The following TEX15 variants were observed in gnomAD, a reference collection of about 807,000 sequenced individuals.
TEX15 encodes the protein testis expressed 15, meiosis and synapsis associated.
TEX15 carries 171 observed loss-of-function variants against 237.3 expected under a neutral mutation model. The ratio of observed to expected loss-of-function variants is 0.72; its 90% CI spans 0.64 to 0.82. The LOEUF is 0.82. Ranked by LOEUF, TEX15 falls within the 40% of genes least tolerant of loss-of-function variation. The pLI is 0.00. For synonymous variants in TEX15, 1,338 were observed against 1,269.8 expected, an observed-to-expected ratio of 1.05 and a Z score of -1.14; for missense variants, 3,750 against 3,646.5, an observed-to-expected ratio of 1.03 and a Z score of -0.73.
At position 30,844,372 on chromosome 8, in the gene TEX15, T is replaced by C. The variant is rs762784118; in HGVS notation, c.5795A>G (p.Lys1932Arg). 1 of 1,610,260 alleles carries C rather than the reference T, an allele frequency of 6.2e-7. No homozygotes were observed. The highest frequency in any genetic ancestry group is 1.1e-5 in the South Asian group (1 of 90,160). Residue 1932 changes from lysine (K) to arginine (R), a missense_variant, in exon 8 of 11, where the codon AAA becomes AGA. By Grantham distance (26) the Lys-to-Arg change is conservative (BLOSUM62 2). Transcript: ENST00000643185. ...REKKGEIKVS[K>R]DSQSDLTLHS... ...TAATGTCAAGTCAGACTGCGAGTCT[T>C]TACTAACTTTAATTTCCCCCTTCTT...
Position 30,833,154 on chromosome 8 carries a change from C to T in TEX15, c.*132G>A. On this transcript the variant is annotated 3_prime_UTR_variant, in exon 11 of 11. Coordinates refer to ENST00000643185, the MANE Select transcript of TEX15 (RefSeq NM_001350162.2). The stretch of plus-strand genomic sequence containing the variant: ...TGTGTTAGATTATTTGTATATTTTA[C>T]AAAGGACCATATGATTTATATTTCC... 1.6e-6 allele frequency: 1 copy of T among 622,568 alleles called. No homozygotes were observed. The highest frequency in any genetic ancestry group is 2.8e-6 in the Non-Finnish European group (1 of 356,438). 38.6% of individuals were successfully genotyped at this position (622,568 alleles called of 1,614,324 possible).
chr8:30,869,470 T>A (rs1188963551), intron 4 of TEX15, among the ~76,000 whole-genome samples: 1 of 152,016 alleles, frequency 6.6e-6, no homozygotes, highest in Non-Finnish European at 1.5e-5. Flanking sequence ...AAATGAAGTT[T>A]ATACACAATA....
chr8:30,888,692 A>G, intron 2 of TEX15: 1 of 1,270,138 alleles, frequency 7.9e-7, no homozygotes, highest in Non-Finnish European at 1.0e-6. Context: ...TAGTTCCAAC[A>G]TTAGATCACA....
At chr8:30,893,714 T>C (rs1439949291) in intron 2 of TEX15, among the ~76,000 whole-genome samples, 1 of 152,250 alleles carries the variant, frequency 6.6e-6, no homozygotes, top group Non-Finnish European at 1.5e-5. Flanking sequence ...CATTCATTTA[T>C]GGGCAATCTT....
In TEX15 at chr8:30,845,036, C is replaced by T; in HGVS notation, c.5131G>A (p.Ala1711Thr). Residue 1711 changes from alanine to threonine, a missense_variant, in exon 8 of 11, where the codon GCA becomes ACA. Ala to Thr is a moderately conservative substitution (Grantham distance 58). Coordinates refer to ENST00000643185, the MANE Select transcript of TEX15 (RefSeq NM_001350162.2). ...LMGPLNLTLIASKKYSIPQLS... is the reference protein window; with the variant it reads ...LMGPLNLTLITSKKYSIPQLS... The stretch of plus-strand genomic sequence containing the variant: ...TGAGGAATACTGTACTTTTTACTTG[C>T]TATCAAAGTTAGGTTTAATGGGCCC... 2 of 1,613,572 alleles carry T rather than the reference C, an allele frequency of 1.2e-6. No individual in the cohort carries two copies. Among genetic ancestry groups the T allele is most frequent in the South Asian group, 1.1e-5 (1 of 91,078 alleles).
intron 2 of TEX15, chr8:30,888,509 C>T: frequency 2.9e-6 from 2 of 696,752 alleles, no homozygotes; most frequent in Admixed American, 2.5e-5. Context: ...CCCAAACTCC[C>T]CTGCAACCTC....
intron 10 of TEX15, among the ~76,000 whole-genome samples, chr8:30,836,149 T>C (rs1025561955): frequency 6.9e-6 from 1 of 145,526 alleles, no homozygotes; most frequent in African/African-American, 2.5e-5. Context: ...GATATAGTTT[T>C]AAAAAAGTCA....
Position 30,837,678 on chromosome 8 carries a change from T to G in TEX15, c.8606A>C (p.Asp2869Ala). ...LLQKFLKNSP[D>A]PTQKSCLSDI... Reference sequence around the variant, plus strand: ...AGAAAGGCAGGATTTTTGGGTGGGATCTGGGGAATTTTTAAGAAATTTCTG... The same window carrying G: ...AGAAAGGCAGGATTTTTGGGTGGGAGCTGGGGAATTTTTAAGAAATTTCTG... Residue 2869 changes from aspartate to alanine, a missense_variant, in exon 10 of 11, where the codon GAT (aspartate) becomes GCT (alanine). Transcript: ENST00000643185. 6.2e-7 allele frequency: 1 copy of G among 1,613,958 alleles called. No homozygotes were observed. The highest frequency in any genetic ancestry group is 1.7e-4 in the Middle Eastern group (1 of 6,060).
chr8:30,857,116 T>C (rs537200326), intron 7 of TEX15, among the ~76,000 whole-genome samples: 201 of 151,954 alleles, frequency 1.3e-3, no homozygotes, highest in Middle Eastern at 6.8e-3. Context: ...GAATAGAGAG[T>C]CCAGTAAGAG....
Position 30,846,458 on chromosome 8 carries a change from T to A in TEX15, c.3709A>T (p.Ile1237Phe). 1 of 1,613,228 alleles carries A rather than the reference T, an allele frequency of 6.2e-7. No homozygotes were observed. Among genetic ancestry groups the A allele is most frequent in the Non-Finnish European group, 8.5e-7 (1 of 1,179,702 alleles). Residue 1237 changes from isoleucine to phenylalanine, a missense_variant, in exon 8 of 11, where the codon ATC (isoleucine) becomes TTC (phenylalanine). Transcript: ENST00000643185. ...QESGPVSNSE[I>F]SLSFDLSRNT... ...CGACTCAAGTCAAAAGAAAGGGAGA[T>A]TTCAGAGTTACTCACTGGCCCTGAT...
rs766162785 is a variant in TEX15 at position 30,843,707 on chromosome 8, C to T, written c.6460G>A (p.Glu2154Lys). ...GAATTCTTTTCCCTTTTTGTTTCTT[C>T]AAGCAATTCAACTAATTGATCATGG... ...TYHDQLVELL[E>K]ETKREKNSYY... The change falls in exon 8 of 11, where the codon GAA becomes AAA. Residue 2154 changes from glutamate to lysine, a missense_variant. Physicochemically the swap from Glu to Lys is moderately conservative, Grantham distance 56 (BLOSUM62 1). Transcript: ENST00000643185. 6.2e-7 allele frequency: 1 copy of T among 1,610,384 alleles called. No homozygotes were observed. The highest frequency in any genetic ancestry group is 8.5e-7 in the Non-Finnish European group (1 of 1,178,484).
chr8:30,836,983 C>A lies in TEX15; in HGVS notation c.9301G>T (p.Ala3101Ser). 1 of 1,614,036 alleles carries A rather than the reference C, an allele frequency of 6.2e-7. No individual in the cohort carries two copies. The highest frequency in any genetic ancestry group is 8.5e-7 in the Non-Finnish European group (1 of 1,180,008). Reference protein sequence around the residue: ...LLYSQYFTYFAGEPQANGFVP... With the variant: ...LLYSQYFTYFSGEPQANGFVP... The stretch of plus-strand genomic sequence containing the variant: ...AAGCCATTTGCTTGTGGCTCCCCCG[C>A]AAAATAAGTAAAATATTGAGAGTAC... Residue 3101 changes from alanine to serine, a missense_variant, in exon 10 of 11, where the codon GCG (alanine) becomes TCG (serine). By Grantham distance (99) the Ala-to-Ser change is moderately conservative (BLOSUM62 1). Transcript: ENST00000643185.
Position 30,844,052 on chromosome 8 carries a change from C to T in TEX15, c.6115G>A (p.Glu2039Lys). ...LFVEAFERKQ[E>K]CSVEQILISR... ...ATCAGGATTTGTTCAACTGAACATT[C>T]TTGCTTTCTTTCAAAAGCTTCCACA... The change falls in exon 8 of 11, where the codon GAA becomes AAA. Residue 2039 changes from glutamate (E) to lysine (K), a missense_variant. By Grantham distance (56) the Glu-to-Lys change is moderately conservative. Transcript: ENST00000643185. 1 of 1,611,780 alleles carries T rather than the reference C, an allele frequency of 6.2e-7. No homozygotes were observed. The highest frequency in any genetic ancestry group is 8.5e-7 in the Non-Finnish European group (1 of 1,179,206).
intron 7 of TEX15, among the ~76,000 whole-genome samples, chr8:30,856,372 G>T (rs1043567749): frequency 6.6e-6 from 1 of 151,748 alleles, no homozygotes; most frequent in African/African-American, 2.4e-5. Context: ...TGGGCAACAT[G>T]GTGAAACCCT....
intron 7 of TEX15, among the ~76,000 whole-genome samples, chr8:30,856,072 C>T (rs323353): frequency 8.0e-4 from 121 of 151,790 alleles, no homozygotes; most frequent in Non-Finnish European, 1.5e-3. Context: ...CAGCCTCCCA[C>T]GTAGCTGGGA....
chr8:30,862,450 T>C (rs1189374495), intron 5 of TEX15, among the ~76,000 whole-genome samples: 2 of 152,178 alleles, frequency 1.3e-5, no homozygotes, highest in South Asian at 2.1e-4. Flanking sequence ...TAATTACAAT[T>C]ATACCTGCAT....
At chr8:30,860,411 C>T (rs1423675567) in intron 5 of TEX15, among the ~76,000 whole-genome samples, 1 of 151,828 alleles carries the variant, frequency 6.6e-6, no homozygotes, top group Non-Finnish European at 1.5e-5. Flanking sequence ...CGTGCCAGGC[C>T]CTGATTTTTT....
Position 30,837,380 on chromosome 8 carries a change from A to G in TEX15, c.8904T>C (p.Asp2968=), listed in dbSNP as rs1807329121. The G allele has an allele frequency of 1.2e-6, 2 of 1,613,944 alleles. No homozygotes were observed. The highest frequency in any genetic ancestry group is 1.7e-6 in the Non-Finnish European group (2 of 1,179,956). The change falls in exon 10 of 11, where the codon GAT becomes GAC. Residue 2968 remains aspartate, a synonymous_variant. Transcript: ENST00000643185. ...ETESEDKYMK[D]TLNPNTVHTF... is the part of the protein sequence containing the mutation. ...TATGCACAGTATTGGGATTCAATGT[A>G]TCCTTCATGTATTTGTCCTCTGACT...
rs1320002227 is a variant in TEX15, at chr8:30,889,337, A to C, written c.-9-2026T>G. Among the ~76,000 whole-genome samples, 4 of 152,184 alleles carry C rather than the reference A, an allele frequency of 2.6e-5. No individual in the cohort carries two copies. The East Asian group carries it at 7.7e-4, about 29-fold the overall frequency. On this transcript the variant is annotated intron_variant, in intron 2 of 10. Transcript: ENST00000643185. ...TGTGGTGGTGTGTGCCTGTAATCCC[A>C]GCTAATCGGGAGGCTGAGGCAGAAG...
Sources: gnomAD v4.1 joint callset for allele counts (sites outside exome capture counted in the v4.1 genomes callset) on GRCh38, gnomAD v4.1.1 for gene constraint, MANE v1.5 for transcripts, NCBI Gene and HGNC (gene_info 2026-07-23, HGNC 2026-07-21) for gene names.